The following AVEN variants were observed in gnomAD, a reference collection of about 807,000 sequenced individuals.
AVEN encodes apoptosis and caspase activation inhibitor, also known as cell death regulator Aven.
Under a neutral mutation model 38.1 loss-of-function variants are expected in AVEN, and 41 were observed. The observed-to-expected ratio is 1.08, with a 90% CI of 0.84 to 1.40. The LOEUF is 1.40. AVEN is among the 40% of genes most tolerant of loss of function. The probability of loss-of-function intolerance (pLI) is 0.00; values close to 1 mark genes in which losing one functional copy is unlikely to be tolerated. For synonymous variants in AVEN, 206 were observed against 171.8 expected (o/e 1.20, Z -1.56); for missense variants, 605 against 438.8 (o/e 1.38, Z -3.38).
intron 1 of AVEN, among the ~76,000 whole-genome samples, chr15:34,073,790 G>T (rs1242016032): frequency 6.6e-6 from 1 of 151,676 alleles, no homozygotes; most frequent in African/African-American, 2.4e-5. Flanking sequence ...CAAAGTGTTG[G>T]GATTACAGGC....
Position 33,866,668 on chromosome 15 carries a change from GAGGTACTTGGTT to G in AVEN, c.1022_1033del (p.Gln341_Ser345delinsPro). On this transcript the variant is annotated inframe_deletion, in exon 6 of 6. Coordinates refer to ENST00000306730, the MANE Select transcript of AVEN (RefSeq NM_020371.3). ...CAGCTCTTCCTCGGTAACATTTTTG[GAGGTACTTGGTT>G]GCTCAGGTTCCATGTTTTTTTCTTC... 2 of 1,613,982 alleles carry G rather than the reference GAGGTACTTGGTT, an allele frequency of 1.2e-6. No homozygotes were observed. The highest frequency in any genetic ancestry group is 1.7e-6 in the Non-Finnish European group (2 of 1,179,930).
intron 5 of AVEN, among the ~76,000 whole-genome samples, chr15:34,053,322 AT>A (rs1555520681): frequency 0.025 from 2,403 of 95,098 alleles, 27 homozygotes; most frequent in Non-Finnish European, 0.033. Context: ...AAAAAAAAAT[AT>A]ATATATATAT....
At chr15:33,954,147 A>G (rs192366427) in intron 2 of AVEN, among the ~76,000 whole-genome samples, 1 of 152,342 alleles carries the variant, frequency 6.6e-6, no homozygotes, top group East Asian at 1.9e-4. Context: ...AAAAGTCAGG[A>G]AACAACAGAT....
chr15:33,883,560 G>C (rs1488894276), intron 2 of AVEN: 2 of 152,014 alleles, frequency 1.3e-5, no homozygotes, highest in East Asian at 1.9e-4. Flanking sequence ...AGTATAGTAT[G>C]AATGATACAT....
chr15:33,934,093 G>A (rs902864869), intron 2 of AVEN, among the ~76,000 whole-genome samples: 1 of 151,950 alleles, frequency 6.6e-6, no homozygotes, highest in Non-Finnish European at 1.5e-5. Flanking sequence ...AGATCTTCAG[G>A]ACCAGGTGTG....
At chr15:33,986,361 G>A (rs567463162) in intron 2 of AVEN, among the ~76,000 whole-genome samples, 9 of 151,948 alleles carry the variant, frequency 5.9e-5, no homozygotes, top group African/African-American at 1.9e-4. Context: ...CACCCACCTC[G>A]GCCTCCCAAA....
chr15:33,922,789 C>T (rs556383229), intron 2 of AVEN, among the ~76,000 whole-genome samples: 3 of 152,278 alleles, frequency 2.0e-5, no homozygotes, highest in Admixed American at 2.0e-4. Flanking sequence ...TCTCTTCTTA[C>T]AGCTTATTTC....
intron 3 of AVEN, 148 bp from the exon 4 acceptor site, chr15:33,871,178 G>GCAT: frequency 4.5e-6 from 2 of 443,620 alleles, no homozygotes; most frequent in Non-Finnish European, 7.5e-6. Context: ...TAGAGTTTCT[G>GCAT]CATCTCCACA....
intron 2 of AVEN, among the ~76,000 whole-genome samples, chr15:33,893,643 T>C (rs755882919): frequency 5.3e-5 from 8 of 152,216 alleles, no homozygotes; most frequent in Non-Finnish European, 7.3e-5. Flanking sequence ...CTTTTGTTCT[T>C]TTTGGACTTT....
intron 1 of AVEN, among the ~76,000 whole-genome samples, chr15:34,015,023 C>G (rs1897820794): frequency 1.3e-5 from 2 of 152,126 alleles, no homozygotes; most frequent in African/African-American, 4.8e-5. Context: ...TTCTGGTACT[C>G]TAGAGTCCTG....
intron 2 of AVEN, among the ~76,000 whole-genome samples, chr15:33,951,349 C>A (rs1894738064): frequency 6.6e-6 from 1 of 151,812 alleles, no homozygotes; most frequent in Non-Finnish European, 1.5e-5. Flanking sequence ...GACATTATTC[C>A]CAGAACCAAA....
intron 2 of AVEN, among the ~76,000 whole-genome samples, chr15:33,953,087 G>T (rs1211511958): frequency 6.6e-6 from 1 of 152,130 alleles, no homozygotes; most frequent in African/African-American, 2.4e-5. Flanking sequence ...CAAGGGATGT[G>T]AAGGACCTCT....
Position 34,038,795 on chromosome 15 carries a change from T to G in AVEN, c.252A>C (p.Ala84=). The G allele has an allele frequency of 8.4e-7, 1 of 1,187,648 alleles. No homozygotes were observed. Among genetic ancestry groups the G allele is most frequent in the South Asian group, 3.5e-5 (1 of 28,916 alleles). 73.6% of individuals were successfully genotyped at this position (1,187,648 alleles called of 1,614,324 possible). A position where few individuals can be genotyped will look rare whatever the true frequency, so the allele number is the denominator to read the frequency against. Residue 84 remains alanine, a synonymous_variant, in exon 1 of 6, where the codon GCA becomes GCC. Coordinates refer to ENST00000306730, the MANE Select transcript of AVEN (RefSeq NM_020371.3). ...GSRREPGGWG[A]GASAPVEDDS... ...CGCCTCTTACCGGCGCGCTGGCCCCTGCGCCCCAGCCTCCCGGCTCCCGGC... is the reference window on the plus strand; with the variant it reads ...CGCCTCTTACCGGCGCGCTGGCCCCGGCGCCCCAGCCTCCCGGCTCCCGGC...
At chr15:34,011,925 T>C (rs932838038) in intron 1 of AVEN, among the ~76,000 whole-genome samples, 2 of 152,208 alleles carry the variant, frequency 1.3e-5, no homozygotes, top group South Asian at 4.1e-4. Flanking sequence ...GTAACTTTTA[T>C]TGGACTAATT....
chr15:34,050,069 G>C (rs682052), intron 5 of AVEN, among the ~76,000 whole-genome samples: 1 of 151,370 alleles, frequency 6.6e-6, no homozygotes, highest in Non-Finnish European at 1.5e-5. Context: ...TGTATTTTTA[G>C]TAGAGATGGG....
At chr15:33,957,246 CG>C (rs1377452807) in intron 2 of AVEN, among the ~76,000 whole-genome samples, 3 of 152,158 alleles carry the variant, frequency 2.0e-5, no homozygotes, top group African/African-American at 4.8e-5. Flanking sequence ...AAGAGTTCCA[CG>C]GTCACTGTTA....
intron 2 of AVEN, among the ~76,000 whole-genome samples, chr15:33,953,710 A>G (rs1279298981): frequency 6.6e-6 from 1 of 152,264 alleles, no homozygotes; most frequent in Non-Finnish European, 1.5e-5. Flanking sequence ...AGGCATTACC[A>G]TTCAGGACAT....
In AVEN at chr15:33,976,726, A is replaced by C. The variant is rs896876659; in HGVS notation, c.445+26306T>G. Among the ~76,000 whole-genome samples, 14 of 152,152 alleles carry C rather than the reference A, an allele frequency of 9.2e-5. No homozygotes were observed. In the South Asian group the frequency reaches 2.5e-3, roughly 27 times the overall value. ...AGAAACAAAAAAAAAATTTAACATA[A>C]ATGTATTGTACCTCTCCTGTCTCAG... On this transcript the variant is annotated intron_variant, in intron 2 of 5. Transcript: ENST00000306730.
chr15:33,904,019 G>A (rs1892590945), intron 2 of AVEN, among the ~76,000 whole-genome samples: 1 of 152,156 alleles, frequency 6.6e-6, no homozygotes, highest in Non-Finnish European at 1.5e-5. Flanking sequence ...GAATAGGTAT[G>A]GTAAAAGTAT....
Sources: gnomAD v4.1 joint callset for allele counts (sites outside exome capture counted in the v4.1 genomes callset) on GRCh38, gnomAD v4.1.1 for gene constraint, MANE v1.5 for transcripts, NCBI Gene and HGNC (gene_info 2026-07-23, HGNC 2026-07-21) for gene names.